The following ADAMTS14 variants were observed in gnomAD, a reference collection of about 807,000 sequenced individuals.
The protein encoded by ADAMTS14 is ADAM metallopeptidase with thrombospondin type 1 motif 14.
Under a neutral mutation model 128.6 loss-of-function variants are expected in ADAMTS14, and 100 were observed. The ratio of observed to expected loss-of-function variants is 0.78; its 90% confidence interval spans 0.66 to 0.92. ADAMTS14 has a LOEUF of 0.92. ADAMTS14 is among the 40% of genes least tolerant of loss of function. ADAMTS14 has a pLI of 0.00. For synonymous variants in ADAMTS14, 665 were observed against 653.8 expected (o/e 1.02, Z -0.26); for missense variants, 1,562 against 1,658.6 (o/e 0.94, Z 1.01).
chr10:70,672,658 A>C lies in ADAMTS14; in HGVS notation c.-145A>C. On this transcript the variant is annotated 5_prime_UTR_variant, in exon 1 of 22. Transcript: ENST00000373207. ...GGGGACCCGGAGCAGGCGGGAGGGA[A>C]GCAGCTAGGCGGGGAGGCGGCTGAG... 9 of 1,164,784 alleles carry C rather than the reference A, an allele frequency of 7.7e-6. No homozygotes were observed. The highest frequency in any genetic ancestry group is 8.7e-6 in the Non-Finnish European group (8 of 914,320). The allele number at this position is 1,164,784 out of a possible 1,614,324, so 72.2% of individuals were successfully genotyped here. A position where few individuals can be genotyped will look rare whatever the true frequency, so the allele number is the denominator to read the frequency against.
chr10:70,735,164 G>T lies in ADAMTS14; in HGVS notation c.1353-5G>T. On this transcript the variant is annotated splice_region_variant and splice_polypyrimidine_tract_variant and intron_variant, in intron 8 of 21. Transcript: ENST00000373207. ...CTGGCTCACCTTCCTTGTCTCTACT[G>T]GCAGCTCCTACGACTGCCTCCTCGA... The T allele has an allele frequency of 6.2e-7, 1 of 1,611,008 alleles. No individual in the cohort carries two copies.
chr10:70,731,027 G>A (rs921331308), intron 6 of ADAMTS14, among the ~76,000 whole-genome samples: 1 of 151,352 alleles, frequency 6.6e-6, no homozygotes, highest in Non-Finnish European at 1.5e-5. Context: ...AAAATTTCTT[G>A]TCTGAATGAC....
intron 4 of ADAMTS14, among the ~76,000 whole-genome samples, chr10:70,725,566 C>T (rs943028908): frequency 6.6e-6 from 1 of 152,180 alleles, no homozygotes; most frequent in African/African-American, 2.4e-5. Context: ...TCACTGTGTC[C>T]TCACATGGTA....
intron 4 of ADAMTS14, among the ~76,000 whole-genome samples, chr10:70,717,642 T>C (rs1841101280): frequency 6.6e-6 from 1 of 152,008 alleles, no homozygotes; most frequent in Admixed American, 6.5e-5. Flanking sequence ...TCTTTGGACA[T>C]GGGGATATTG....
At chr10:70,674,534 A>G in intron 1 of ADAMTS14, 22 bp from the exon 2 acceptor site, 1 of 1,598,818 alleles carries the variant, frequency 6.3e-7, no homozygotes, top group Non-Finnish European at 8.5e-7. Flanking sequence ...CATTGAAGTG[A>G]CTCTTTGTTT....
chr10:70,686,136 A>G (rs1839943923), intron 2 of ADAMTS14, among the ~76,000 whole-genome samples: 1 of 152,232 alleles, frequency 6.6e-6, no homozygotes, highest in Admixed American at 6.5e-5. Context: ...TTCTGCTTTC[A>G]GTAGCATGGC....
chr10:70,751,664 C>A lies in ADAMTS14; in HGVS notation c.2596+18C>A. 2 of 1,597,234 alleles carry A rather than the reference C, an allele frequency of 1.3e-6. No individual in the cohort carries two copies. The highest frequency in any genetic ancestry group is 2.3e-5 in the East Asian group (1 of 44,320). On this transcript the variant is annotated intron_variant, in intron 17 of 21. Coordinates refer to ENST00000373207, the MANE Select transcript of ADAMTS14 (RefSeq NM_080722.4). ...TGGAGGAGGTACCGGTTCCCTGACC[C>A]GCCAGTGCTTTGTTGGGGCAGCCCA...
At chr10:70,728,051 G>A (rs548537245) in intron 4 of ADAMTS14, among the ~76,000 whole-genome samples, 90 of 150,264 alleles carry the variant, frequency 6.0e-4, no homozygotes, top group African/African-American at 7.6e-4. Context: ...AGCCGAGATC[G>A]CACCACTGCG....
At chr10:70,719,854 G>A (rs1841197081) in intron 4 of ADAMTS14, among the ~76,000 whole-genome samples, 1 of 152,204 alleles carries the variant, frequency 6.6e-6, no homozygotes, top group Non-Finnish European at 1.5e-5. Flanking sequence ...GAGCAGGGTC[G>A]AGCTCCAAGA....
At chr10:70,711,684 A>G (rs991333111) in intron 4 of ADAMTS14, among the ~76,000 whole-genome samples, 3 of 152,164 alleles carry the variant, frequency 2.0e-5, no homozygotes, top group African/African-American at 7.2e-5. Context: ...TGAGTTTGGG[A>G]AAGTGAGTTC....
At chr10:70,748,111 T>C (rs1322021713) in intron 15 of ADAMTS14, among the ~76,000 whole-genome samples, 1 of 152,164 alleles carries the variant, frequency 6.6e-6, no homozygotes, top group Non-Finnish European at 1.5e-5. Context: ...TTCATGCGTA[T>C]GTTTAGTAAG....
intron 15 of ADAMTS14, chr10:70,745,519 C>T (rs1842151665): frequency 1.6e-6 from 1 of 609,546 alleles, no homozygotes; most frequent in East Asian, 3.0e-5. Context: ...CAAAGGGGAC[C>T]TAGTAAAGAG....
chr10:70,733,493 G>A (rs556996672), intron 7 of ADAMTS14, among the ~76,000 whole-genome samples: 4 of 152,328 alleles, frequency 2.6e-5, no homozygotes, highest in Admixed American at 1.3e-4. Flanking sequence ...GGAAGCCAGC[G>A]AATGGCTATG....
rs1290542747 is a variant in ADAMTS14, at chr10:70,757,984, G to A, written c.2960G>A (p.Gly987Asp). Residue 987 changes from glycine (G) to aspartate (D), a missense_variant, in exon 20 of 22, where the codon GGC becomes GAC. Physicochemically the swap from Gly to Asp is moderately conservative, Grantham distance 94. Transcript: ENST00000373207. ...CAGTGCTCTGCCACCTGTGGAGAGGGCATCCAGCAGCGGCAGGTGGTGTGC... is the reference window on the plus strand; with the variant it reads ...CAGTGCTCTGCCACCTGTGGAGAGGACATCCAGCAGCGGCAGGTGGTGTGC... Reference protein sequence around the residue: ...WSQCSATCGEGIQQRQVVCRT... With the variant: ...WSQCSATCGEDIQQRQVVCRT... 1 of 1,612,262 alleles carries A rather than the reference G, an allele frequency of 6.2e-7. No homozygotes were observed. The highest frequency in any genetic ancestry group is 1.7e-5 in the Admixed American group (1 of 59,930).
At position 70,754,367 on chromosome 10, in the gene ADAMTS14, C is replaced by T. The variant is rs551654614; in HGVS notation, c.2937+360C>T. Among the ~76,000 whole-genome samples, 17 of 152,304 alleles carry T rather than the reference C, an allele frequency of 1.1e-4. No homozygotes were observed. The South Asian group carries it at 3.5e-3, about 32-fold the overall frequency. ...GGAACCTAGCATCAACCAGACAGAGCTGATTCTTGCCCTCGTGCAGCCCAC... is the reference window on the plus strand; with the variant it reads ...GGAACCTAGCATCAACCAGACAGAGTTGATTCTTGCCCTCGTGCAGCCCAC... On this transcript the variant is annotated intron_variant, in intron 19 of 21. Coordinates refer to ENST00000373207, the MANE Select transcript of ADAMTS14 (RefSeq NM_080722.4).
In ADAMTS14 at chr10:70,758,080, C is replaced by CTG. The variant is rs769859236; in HGVS notation, c.3056_3057insTG (p.Cys1021ProfsTer11). On this transcript the variant is annotated frameshift_variant, in exon 20 of 22. Transcript: ENST00000373207. ...GACACTGTCCAGGTCTGCAGCCTGC[C>CTG]CGCCTGTGGAGGTGAGCCAGAGGGG... 6 of 1,610,394 alleles carry CTG rather than the reference C, an allele frequency of 3.7e-6. No individual in the cohort carries two copies. The highest frequency in any genetic ancestry group is 4.2e-6 in the Non-Finnish European group (5 of 1,177,198).
intron 2 of ADAMTS14, among the ~76,000 whole-genome samples, chr10:70,696,993 G>T (rs556758995): frequency 3.3e-5 from 5 of 152,128 alleles, no homozygotes; most frequent in Non-Finnish European, 7.3e-5. Context: ...TTTCAAGCTG[G>T]GTTTGATGGA....
chr10:70,688,717 CG>C (rs1840073079), intron 2 of ADAMTS14, among the ~76,000 whole-genome samples: 1 of 91,332 alleles, frequency 1.1e-5, no homozygotes, highest in Non-Finnish European at 2.6e-5. Flanking sequence ...ACCAGTCAGG[CG>C]TGGCGGCGCG....
chr10:70,754,906 C>G (rs12355717), intron 19 of ADAMTS14, among the ~76,000 whole-genome samples: 11,819 of 152,184 alleles, frequency 0.078, 615 homozygotes, highest in Middle Eastern at 0.12. Context: ...AGGCCACCTT[C>G]GGGAAACTGC....
Sources: allele counts gnomAD v4.1 joint callset (sites outside exome capture counted in the v4.1 genomes callset), GRCh38; gene constraint gnomAD v4.1.1; transcripts MANE v1.5; gene names NCBI Gene and HGNC (gene_info 2026-07-23, HGNC 2026-07-21).